The following FBXO34 variants were observed in gnomAD, a reference collection of about 807,000 sequenced individuals.
The protein encoded by FBXO34 is F-box protein 34, also known as F-box only protein 34.
In FBXO34, 12 loss-of-function variants were observed where a neutral mutation model predicts 24.5. The observed-to-expected ratio is 0.49, with a 90% CI of 0.31 to 0.79. FBXO34 has a LOEUF of 0.79. Ranked by LOEUF, FBXO34 falls within the 30% of genes least tolerant of loss-of-function variation. The probability of loss-of-function intolerance (pLI) is 0.04; values close to 1 mark genes in which losing one functional copy is unlikely to be tolerated. For missense variants in FBXO34, 823 were observed against 857.7 expected, an observed-to-expected ratio of 0.96 and a Z score of 0.51; for synonymous variants, 320 against 311.9, an observed-to-expected ratio of 1.03 and a Z score of -0.27.
At chr14:55,316,581 A>G (rs77969089) in intron 1 of FBXO34, among the ~76,000 whole-genome samples, 24 of 141,180 alleles carry the variant, frequency 1.7e-4, no homozygotes, top group African/African-American at 5.2e-4. Context: ...AAAAAAAAAA[A>G]GCCTAGCACA....
chr14:55,429,069 A>T, the FBXO34 span: 1 of 1,446,570 alleles, frequency 6.9e-7, no homozygotes, highest in Non-Finnish European at 9.4e-7. Flanking sequence ...TACCACGTTT[A>T]TCTTTCAATG....
rs570231338 is a variant in FBXO34 at position 55,350,874 on chromosome 14, G to T, written c.484G>T (p.Val162Leu). 6.2e-7 allele frequency: 1 copy of T among 1,613,606 alleles called. No homozygotes were observed. The highest frequency in any genetic ancestry group is 8.5e-7 in the Non-Finnish European group (1 of 1,179,936). The stretch of plus-strand genomic sequence containing the variant: ...ATCAGGGGATCTTAAAAAAGCCAAG[G>T]TACAGGTGGAAAGGATGAGGGAGGT... Reference protein sequence around the residue: ...KKSGDLKKAKVQVERMREVNS... With the variant: ...KKSGDLKKAKLQVERMREVNS... Residue 162 changes from valine to leucine, a missense_variant, in exon 2 of 2, where the codon GTA becomes TTA. Val to Leu is a conservative substitution (Grantham distance 32, BLOSUM62 1). Transcript: ENST00000313833.
downstream of FBXO34, among the ~76,000 whole-genome samples, chr14:55,364,353 T>C (rs1047188362): frequency 1.3e-5 from 2 of 152,188 alleles, no homozygotes. Flanking sequence ...AACAAAAAAG[T>C]CATTGATGTA....
intron 1 of FBXO34, among the ~76,000 whole-genome samples, chr14:55,302,669 AT>A (rs1832221690): frequency 6.6e-6 from 1 of 151,878 alleles, no homozygotes; most frequent in South Asian, 2.1e-4. Flanking sequence ...TTTAGTAGCT[AT>A]TTTACTCATA....
At chr14:55,317,746 T>A (rs1006234820) in intron 1 of FBXO34, among the ~76,000 whole-genome samples, 1 of 152,142 alleles carries the variant, frequency 6.6e-6, no homozygotes, top group South Asian at 2.1e-4. Flanking sequence ...CATTACCCCT[T>A]CCTTTAGCCA....
downstream of FBXO34, among the ~76,000 whole-genome samples, chr14:55,373,643 A>G (rs1884864392): frequency 6.6e-6 from 1 of 152,052 alleles, no homozygotes; most frequent in Admixed American, 6.6e-5. Context: ...TACTTTTAGT[A>G]GAGATGCAGT....
At chr14:55,300,751 A>G (rs1009471753) in intron 1 of FBXO34, among the ~76,000 whole-genome samples, 1 of 152,268 alleles carries the variant, frequency 6.6e-6, no homozygotes, top group African/African-American at 2.4e-5. Flanking sequence ...ATATATGCAC[A>G]TGGTAAAATT....
At chr14:55,323,492 C>T (rs767733681) in intron 1 of FBXO34, among the ~76,000 whole-genome samples, 14 of 151,810 alleles carry the variant, frequency 9.2e-5, no homozygotes, top group Admixed American at 2.6e-4. Flanking sequence ...AAGTGATTCT[C>T]CTGCCTCAGC....
At chr14:55,400,468 C>G in the FBXO34 span, among the ~76,000 whole-genome samples, 4 of 152,184 alleles carry the variant, frequency 2.6e-5, no homozygotes, top group African/African-American at 9.7e-5. Context: ...TGGATGGACA[C>G]CATATAATTT....
intron 1 of FBXO34, among the ~76,000 whole-genome samples, chr14:55,317,645 A>G (rs142141945): frequency 6.6e-6 from 1 of 152,334 alleles, no homozygotes; most frequent in Non-Finnish European, 1.5e-5. Context: ...AACTGTGTTC[A>G]GTGACATCAT....
intron 1 of FBXO34, among the ~76,000 whole-genome samples, chr14:55,324,036 C>T (rs1883259033): frequency 6.6e-6 from 1 of 151,960 alleles, no homozygotes; most frequent in African/African-American, 2.4e-5. Flanking sequence ...TTTTGTCACC[C>T]CCATGGGTGA....
chr14:55,341,028 G>A (rs1883973941), intron 1 of FBXO34, among the ~76,000 whole-genome samples: 1 of 152,150 alleles, frequency 6.6e-6, no homozygotes, highest in Admixed American at 6.6e-5. Flanking sequence ...ACTGATACTT[G>A]TTAAAGGTGG....
intron 1 of FBXO34, among the ~76,000 whole-genome samples, chr14:55,292,276 A>T (rs1341161272): frequency 1.3e-5 from 2 of 152,220 alleles, no homozygotes; most frequent in Non-Finnish European, 2.9e-5. Context: ...TATATTTTTA[A>T]CTATGAGCTT....
At chr14:55,436,069 C>T in the FBXO34 span, 1 of 525,076 alleles carries the variant, frequency 1.9e-6, no homozygotes. Flanking sequence ...ATGTGAAATA[C>T]ATGACATGAT....
At chr14:55,359,566 A>C (rs541299668) in intron 3 of FBXO34, among the ~76,000 whole-genome samples, 2 of 152,350 alleles carry the variant, frequency 1.3e-5, no homozygotes, top group South Asian at 4.1e-4. Context: ...GGTTTGCCTC[A>C]ATATTGATAG....
chr14:55,426,879 C>A, the FBXO34 span, among the ~76,000 whole-genome samples: 1 of 152,178 alleles, frequency 6.6e-6, no homozygotes, highest in Non-Finnish European at 1.5e-5. Context: ...CTATTCTAGA[C>A]TTAGATCTGC....
At chr14:55,304,399 G>C (rs1168963605) in intron 1 of FBXO34, among the ~76,000 whole-genome samples, 4 of 151,384 alleles carry the variant, frequency 2.6e-5, no homozygotes, top group Admixed American at 2.6e-4. Context: ...TCACTATGTT[G>C]CCCGGGCTGG....
At chr14:55,273,187 CCTCTCT>C (rs141301097) in intron 1 of FBXO34, among the ~76,000 whole-genome samples, 3 of 148,020 alleles carry the variant, frequency 2.0e-5, no homozygotes, top group Non-Finnish European at 4.5e-5. Flanking sequence ...TTTTTTTTTT[CCTCTCT>C]CTCAATACTT....
intron 1 of FBXO34, among the ~76,000 whole-genome samples, chr14:55,333,017 T>G (rs1196135231): frequency 6.6e-6 from 1 of 152,212 alleles, no homozygotes; most frequent in Non-Finnish European, 1.5e-5. Flanking sequence ...AAACATTCCT[T>G]CCAGCTCAGG....
Sources: allele counts gnomAD v4.1 joint callset (sites outside exome capture counted in the v4.1 genomes callset), GRCh38; gene constraint gnomAD v4.1.1; transcripts MANE v1.5; gene names NCBI Gene and HGNC (gene_info 2026-07-23, HGNC 2026-07-21).